Variants in LDHB observed in about 807,000 individuals in gnomAD.
The protein encoded by LDHB is lactate dehydrogenase B, also known as L-lactate dehydrogenase B chain.
A neutral mutation model predicts 33.4 loss-of-function variants in LDHB; 18 were observed. That is an observed-to-expected ratio of 0.54 (90% CI 0.37 to 0.80). The LOEUF (loss-of-function observed/expected upper bound fraction) is 0.80, where lower values mean the gene tolerates loss of function less well. Ranked by LOEUF, LDHB falls within the 30% of genes least tolerant of loss-of-function variation. The pLI is 0.00. For synonymous variants in LDHB, 121 were observed against 140.6 expected (o/e 0.86, Z 0.98); for missense variants, 345 against 407.9 (o/e 0.85, Z 1.33).
intron 2 of LDHB, chr12:21,654,232 A>C (rs530408469): frequency 2.9e-6 from 1 of 350,348 alleles, no homozygotes; most frequent in East Asian, 6.6e-5. Flanking sequence ...TGAGGTGAAA[A>C]TAGCTATAAA....
intron 7 of LDHB, 56 bp downstream of exon 7, chr12:21,637,015 T>C (rs1938237360): frequency 2.1e-6 from 3 of 1,415,328 alleles, no homozygotes; most frequent in South Asian, 1.1e-5. Flanking sequence ...TAAATGAATC[T>C]TTTTGTAGAA....
chr12:21,655,397 A>G (rs1938812862), intron 1 of LDHB, among the ~76,000 whole-genome samples: 1 of 152,226 alleles, frequency 6.6e-6, no homozygotes, highest in East Asian at 1.9e-4. Flanking sequence ...TAAAAAGAAT[A>G]AATGGCCAAT....
intron 3 of LDHB, 74 bp downstream of exon 3, chr12:21,646,825 G>A: frequency 1.2e-6 from 1 of 848,332 alleles, no homozygotes; most frequent in East Asian, 2.4e-5. Flanking sequence ...CTATTATGCT[G>A]TAAGATGCAT....
At chr12:21,644,520 G>A (rs1477015759) in intron 3 of LDHB, among the ~76,000 whole-genome samples, 1 of 151,414 alleles carries the variant, frequency 6.6e-6, no homozygotes, top group African/African-American at 2.4e-5. Context: ...AGGCAGTGAA[G>A]TGTTTGGTTT....
At position 21,637,386 on chromosome 12, in the gene LDHB, C is replaced by A. The variant is rs983418865; in HGVS notation, c.714-192G>T. ...AAAATGCTTAAAACTGTAAGCACTA[C>A]ACAGTAAACACTATATAAATGCTTG... On this transcript the variant is annotated intron_variant, in intron 6 of 7. Coordinates refer to ENST00000350669, the MANE Select transcript of LDHB (RefSeq NM_002300.8). 2.4e-5 allele frequency: 13 copies of A among 544,222 alleles called. No homozygotes were observed. The Admixed American group carries it at 3.2e-4, about 13-fold the overall frequency. The allele number at this position is 544,222 out of a possible 1,614,324, so 33.7% of individuals were successfully genotyped here. A position where few individuals can be genotyped will look rare whatever the true frequency, so the allele number is the denominator to read the frequency against.
At position 21,638,367 on chromosome 12, in the gene LDHB, C is replaced by G. The variant is rs375806839; in HGVS notation, c.699G>C (p.Lys233Asn). 3.5e-5 allele frequency: 55 copies of G among 1,588,778 alleles called. No individual in the cohort carries two copies. The highest frequency in any genetic ancestry group is 4.5e-5 in the Non-Finnish European group (52 of 1,157,560). The change falls in exon 6 of 8, where the codon AAG becomes AAC. Residue 233 changes from lysine (K) to asparagine (N), a missense_variant. Physicochemically the swap from Lys to Asn is moderately conservative, Grantham distance 94. Transcript: ENST00000350669. ...CTTTCACTTACCTTTCAACCACCAT[C>G]TTATGCACTTCCTTCCAATTTTCAC... Reference protein sequence around the residue: ...NDSENWKEVHKMVVESAYEVI... With the variant: ...NDSENWKEVHNMVVESAYEVI...
At chr12:21,651,585 G>A (rs570169179) in intron 2 of LDHB, among the ~76,000 whole-genome samples, 2 of 152,254 alleles carry the variant, frequency 1.3e-5, no homozygotes, top group African/African-American at 4.8e-5. Context: ...CTTACTATCT[G>A]TGTGATCTTA....
chr12:21,641,010 A>G (rs1938357638), intron 5 of LDHB, among the ~76,000 whole-genome samples: 1 of 152,308 alleles, frequency 6.6e-6, no homozygotes, highest in African/African-American at 2.4e-5. Flanking sequence ...AATGCAACTA[A>G]TACAGAATAA....
At chr12:21,656,152 T>C (rs1302504222) in intron 1 of LDHB, among the ~76,000 whole-genome samples, 1 of 152,228 alleles carries the variant, frequency 6.6e-6, no homozygotes. Flanking sequence ...AAGTAAGAGT[T>C]AGCAGGACTC....
Position 21,638,941 on chromosome 12 carries a change from G to T in LDHB, c.596-471C>A, listed in dbSNP as rs144488529. On this transcript the variant is annotated intron_variant, in intron 5 of 7. Transcript: ENST00000350669. ...AGTGGGGTAAAAATTATAAATAAGG[G>T]TCTACTTAATTTAAAGGAGAAGAGT... 2.0e-3 allele frequency among the ~76,000 whole-genome samples: 297 copies of T among 151,974 alleles called. 1 individual carries two copies. The highest frequency in any genetic ancestry group is 6.9e-3 in the African/African-American group (285 of 41,524).
chr12:21,637,356 T>C (rs1938247407), intron 6 of LDHB, 162 bp from the exon 7 acceptor site: 1 of 609,546 alleles, frequency 1.6e-6, no homozygotes, highest in Non-Finnish European at 2.9e-6. Context: ...AATTAATATA[T>C]ATGTAAAATG....
intron 2 of LDHB, among the ~76,000 whole-genome samples, chr12:21,652,452 A>G (rs913263805): frequency 6.6e-6 from 1 of 152,234 alleles, no homozygotes; most frequent in Non-Finnish European, 1.5e-5. Flanking sequence ...ATCTTTGAAC[A>G]TGGCACATAC....
chr12:21,637,077 C>A lies in LDHB; in HGVS notation c.831G>T (p.Met277Ile). Residue 277 changes from methionine to isoleucine, a missense_variant, in exon 7 of 8, where the codon ATG becomes ATT. Coordinates refer to ENST00000350669, the MANE Select transcript of LDHB (RefSeq NM_002300.8). ...NLSRIHPVST[M>I]VKGMYGIENE... Reference sequence around the variant, plus strand: ...TTGTGGTAGTTTGTCTTACCTTTACCATTGTTGACACGGGATGAATCCTGG... The same window carrying A: ...TTGTGGTAGTTTGTCTTACCTTTACAATTGTTGACACGGGATGAATCCTGG... 6.2e-7 allele frequency: 1 copy of A among 1,605,036 alleles called. No individual in the cohort carries two copies. Among genetic ancestry groups the A allele is most frequent in the South Asian group, 1.1e-5 (1 of 90,868 alleles).
chr12:21,652,790 GAC>G (rs1486822667), intron 2 of LDHB, among the ~76,000 whole-genome samples: 2 of 152,160 alleles, frequency 1.3e-5, no homozygotes, highest in Non-Finnish European at 2.9e-5. Flanking sequence ...TATCCTAAAT[GAC>G]AGTTACCTAG....
chr12:21,651,786 G>A (rs1040595276), intron 2 of LDHB, among the ~76,000 whole-genome samples: 10 of 152,084 alleles, frequency 6.6e-5, no homozygotes, highest in Non-Finnish European at 1.0e-4. Flanking sequence ...ATCTTTAACC[G>A]TTAAAATAAT....
chr12:21,650,752 T>C (rs1317077879), intron 2 of LDHB, among the ~76,000 whole-genome samples: 5 of 152,186 alleles, frequency 3.3e-5, no homozygotes, highest in African/African-American at 1.2e-4. Flanking sequence ...ATAGCAGGAG[T>C]ATTCATTTAT....
chr12:21,649,917 C>A (rs535733069), intron 2 of LDHB, among the ~76,000 whole-genome samples: 1 of 152,020 alleles, frequency 6.6e-6, no homozygotes, highest in Non-Finnish European at 1.5e-5. Flanking sequence ...CATAGTGAAA[C>A]CCTGTCTCTA....
intron 3 of LDHB, 38 bp downstream of exon 3, chr12:21,646,861 A>T: frequency 1.6e-6 from 2 of 1,235,790 alleles, no homozygotes; most frequent in Non-Finnish European, 2.4e-6. Flanking sequence ...GGGCCATGAA[A>T]AAAATATTAG....
At chr12:21,649,856 C>A (rs1158802037) in intron 2 of LDHB, among the ~76,000 whole-genome samples, 3 of 152,036 alleles carry the variant, frequency 2.0e-5, no homozygotes, top group Non-Finnish European at 4.4e-5. Context: ...TTTTGGGGGG[C>A]TGAGGCAGGC....
Sources: gnomAD v4.1 joint callset for allele counts (sites outside exome capture counted in the v4.1 genomes callset) on GRCh38, gnomAD v4.1.1 for gene constraint, MANE v1.5 for transcripts, NCBI Gene and HGNC (gene_info 2026-07-23, HGNC 2026-07-21) for gene names.